The following STRN3 variants were observed in gnomAD, a reference collection of about 807,000 sequenced individuals.
STRN3 encodes the protein striatin 3.
In STRN3, 29 loss-of-function variants were observed where a neutral mutation model predicts 95.6. The ratio of observed to expected loss-of-function variants is 0.30; its 90% confidence interval spans 0.23 to 0.41. The LOEUF (loss-of-function observed/expected upper bound fraction) is 0.41. Among genes scored for constraint, STRN3 ranks in the 10% least tolerant of loss-of-function variants. The pLI, the probability that STRN3 is intolerant of heterozygous loss-of-function variation, is 1.00. For synonymous variants in STRN3, 331 were observed against 357.6 expected (o/e 0.93, Z 0.84); for missense variants, 890 against 972.1 (o/e 0.92, Z 1.12).
At chr14:31,019,556 GA>G (rs1883403021) in intron 1 of STRN3, among the ~76,000 whole-genome samples, 1 of 152,204 alleles carries the variant, frequency 6.6e-6, no homozygotes, top group African/African-American at 2.4e-5. Context: ...GGCAATGGAT[GA>G]AACAAACCTG....
At chr14:31,020,792 C>T (rs1203583608) in intron 1 of STRN3, among the ~76,000 whole-genome samples, 1 of 152,104 alleles carries the variant, frequency 6.6e-6, no homozygotes, top group East Asian at 1.9e-4. Context: ...TGTAGTCCCA[C>T]CTACTCGGGA....
chr14:30,989,696 G>A (rs1881859205), intron 1 of STRN3, among the ~76,000 whole-genome samples: 1 of 152,064 alleles, frequency 6.6e-6, no homozygotes, highest in African/African-American at 2.4e-5. Context: ...CTGACCTCGT[G>A]ATCCATCCGC....
chr14:30,987,385 T>C (rs931152117), intron 1 of STRN3, among the ~76,000 whole-genome samples: 6 of 151,914 alleles, frequency 3.9e-5, no homozygotes, highest in Non-Finnish European at 5.9e-5. Flanking sequence ...CAGGCGCCTG[T>C]AGTCCCAGCT....
chr14:30,933,299 A>AAAAAAAC, intron 7 of STRN3, among the ~76,000 whole-genome samples: 1 of 150,550 alleles, frequency 6.6e-6, no homozygotes, highest in African/African-American at 2.4e-5. Context: ...AAAAAAAAAA[A>AAAAAAAC]AAAAAACGAT....
chr14:30,908,865 T>C (rs1033916184), intron 13 of STRN3, among the ~76,000 whole-genome samples: 2 of 152,248 alleles, frequency 1.3e-5, no homozygotes, highest in African/African-American at 2.4e-5. Context: ...GTATTATTTG[T>C]ATAGAGAAGA....
At chr14:31,011,004 A>C (rs1328543722) in intron 1 of STRN3, among the ~76,000 whole-genome samples, 1 of 152,224 alleles carries the variant, frequency 6.6e-6, no homozygotes, top group Non-Finnish European at 1.5e-5. Flanking sequence ...GCGCCACTGC[A>C]CTCCAGCCTG....
intron 1 of STRN3, among the ~76,000 whole-genome samples, chr14:31,009,740 A>C (rs1882883276): frequency 6.6e-6 from 1 of 152,156 alleles, no homozygotes; most frequent in South Asian, 2.1e-4. Context: ...ACACAAAAAA[A>C]TTTAAATACA....
intron 1 of STRN3, among the ~76,000 whole-genome samples, chr14:31,018,174 G>A (rs1026400571): frequency 6.7e-6 from 1 of 150,186 alleles, no homozygotes; most frequent in Non-Finnish European, 1.5e-5. Context: ...TTCAGGTCAT[G>A]GGTAAAGAGT....
rs1341465230 is a variant in STRN3 at position 30,901,292 on chromosome 14, AT to A, written c.2137+1243del. 3.8e-3 allele frequency among the ~76,000 whole-genome samples: 549 copies of A among 145,532 alleles called. 3 individuals are homozygous for A. The highest frequency in any genetic ancestry group is 0.014 in the Middle Eastern group (4 of 278). Reference sequence around the variant, plus strand: ...CCTGTCTCTATAAAAAAAAAAAAAAATTTAAATATTTTTTTTAAAAAGAACA... The same window carrying A: ...CCTGTCTCTATAAAAAAAAAAAAAAATTAAATATTTTTTTTAAAAAGAACA... On this transcript the variant is annotated intron_variant, in intron 16 of 17. Coordinates refer to ENST00000357479, the MANE Select transcript of STRN3 (RefSeq NM_001083893.2).
chr14:30,947,540 T>C (rs1378675838), intron 4 of STRN3, among the ~76,000 whole-genome samples: 2 of 152,082 alleles, frequency 1.3e-5, no homozygotes, highest in African/African-American at 4.8e-5. Context: ...TTTAGGATTA[T>C]ATACACACAC....
intron 8 of STRN3, among the ~76,000 whole-genome samples, chr14:30,928,854 C>CT (rs1878326347): frequency 1.3e-5 from 2 of 151,028 alleles, no homozygotes; most frequent in Admixed American, 1.3e-4. Flanking sequence ...TAGCTATACT[C>CT]TATGTATCAA....
intron 1 of STRN3, among the ~76,000 whole-genome samples, chr14:31,021,591 C>T (rs1435457698): frequency 6.6e-6 from 1 of 151,992 alleles, no homozygotes; most frequent in African/African-American, 2.4e-5. Flanking sequence ...AAAATAGAAC[C>T]AGAACCCCAC....
chr14:30,914,302 T>C (rs1304487893), intron 9 of STRN3, among the ~76,000 whole-genome samples: 1 of 152,220 alleles, frequency 6.6e-6, no homozygotes, highest in African/African-American at 2.4e-5. Flanking sequence ...AATGTCAGTT[T>C]CCTTTCTATA....
chr14:30,925,005 TA>T (rs1896987112), intron 8 of STRN3, among the ~76,000 whole-genome samples: 1 of 152,156 alleles, frequency 6.6e-6, no homozygotes, highest in African/African-American at 2.4e-5. Flanking sequence ...AATAAAAAGT[TA>T]AAAGGAAAAG....
intron 9 of STRN3, 63 bp from the exon 10 acceptor site, chr14:30,913,720 G>A: frequency 6.6e-7 from 1 of 1,522,426 alleles, no homozygotes; most frequent in Non-Finnish European, 8.8e-7. Context: ...CAATATTGTG[G>A]GGAAAATTTA....
In STRN3 at chr14:31,026,335, A is replaced by AG; in HGVS notation, c.-151dup. 1.4e-6 allele frequency: 1 copy of AG among 725,678 alleles called. No homozygotes were observed. Among genetic ancestry groups the AG allele is most frequent in the Non-Finnish European group, 1.9e-6 (1 of 517,584 alleles). 45.0% of individuals were successfully genotyped at this position (725,678 alleles called of 1,614,324 possible). On this transcript the variant is annotated 5_prime_UTR_variant, in exon 1 of 18. An upstream open reading frame in the 5' UTR loses its in-frame stop. Coordinates refer to ENST00000357479, the MANE Select transcript of STRN3 (RefSeq NM_001083893.2). ...TTGCTGTGTGCCTGCCGTGGGTCAG[A>AG]GCAGGGAGCTGCCGGCTGCCGCCAT... is the stretch of plus-strand genomic sequence containing the variant.
At chr14:30,930,600 G>C (rs1878482999) in intron 7 of STRN3, among the ~76,000 whole-genome samples, 1 of 152,084 alleles carries the variant, frequency 6.6e-6, no homozygotes, top group Admixed American at 6.6e-5. Context: ...CTGCTAACTT[G>C]AATCACTTGA....
chr14:31,018,416 G>C, intron 1 of STRN3: 2 of 370,332 alleles, frequency 5.4e-6, no homozygotes, highest in Admixed American at 7.2e-5. Context: ...ACAAGCAAGC[G>C]AACTTTATTC....
At chr14:31,004,730 G>A (rs149863096) in intron 1 of STRN3, among the ~76,000 whole-genome samples, 2,484 of 152,152 alleles carry the variant, frequency 0.016, 36 homozygotes, top group South Asian at 0.03. Flanking sequence ...CCAAGATCGC[G>A]CCATTGCACT....
Sources: allele counts gnomAD v4.1 joint callset (sites outside exome capture counted in the v4.1 genomes callset), GRCh38; gene constraint gnomAD v4.1.1; transcripts MANE v1.5; gene names NCBI Gene and HGNC (gene_info 2026-07-23, HGNC 2026-07-21).